Variants in TAOK1 observed in about 807,000 individuals in gnomAD.
TAOK1 encodes serine/threonine-protein kinase TAO1.
TAOK1 carries 21 observed loss-of-function variants against 138.3 expected under a neutral mutation model. That is an observed-to-expected ratio of 0.15 (90% CI 0.11 to 0.22). The LOEUF (loss-of-function observed/expected upper bound fraction) is 0.22, where lower values mean the gene tolerates loss of function less well. Ranked by LOEUF, TAOK1 falls within the 10% of genes least tolerant of loss-of-function variation. TAOK1 has a pLI of 1.00. For synonymous variants in TAOK1, 361 were observed against 398.4 expected (o/e 0.91, Z 1.12); for missense variants, 651 against 1,227.7 (o/e 0.53, Z 7.02).
chr17:29,429,148 G>A (rs753448965), intron 1 of TAOK1, among the ~76,000 whole-genome samples: 3 of 152,124 alleles, frequency 2.0e-5, no homozygotes, highest in Non-Finnish European at 4.4e-5. Context: ...CAGATGGGAA[G>A]TATTCTGGAT....
intron 17 of TAOK1, among the ~76,000 whole-genome samples, chr17:29,522,759 A>G (rs2031940591): frequency 6.6e-6 from 1 of 152,174 alleles, no homozygotes; most frequent in Non-Finnish European, 1.5e-5. Context: ...GCCAGTAGAT[A>G]AGAATCAAGA....
chr17:29,535,553 A>G (rs1023979951), intron 19 of TAOK1, among the ~76,000 whole-genome samples: 1 of 152,150 alleles, frequency 6.6e-6, no homozygotes, highest in African/African-American at 2.4e-5. Flanking sequence ...ATGCCTTATT[A>G]AAGTAAAAAA....
intron 1 of TAOK1, among the ~76,000 whole-genome samples, chr17:29,426,610 C>G (rs1418343311): frequency 6.6e-6 from 1 of 152,158 alleles, no homozygotes; most frequent in Non-Finnish European, 1.5e-5. Context: ...GGTCTGTGCT[C>G]TGCTATCCAT....
At chr17:29,412,342 C>T (rs994798380) in intron 1 of TAOK1, among the ~76,000 whole-genome samples, 14 of 151,902 alleles carry the variant, frequency 9.2e-5, no homozygotes, top group Admixed American at 6.6e-4. Flanking sequence ...CATGCCCAGC[C>T]GATACAGCCT....
intron 10 of TAOK1, 43 bp downstream of exon 10, chr17:29,491,908 A>T (rs1555564796): frequency 6.8e-7 from 1 of 1,467,608 alleles, no homozygotes. Flanking sequence ...ATTTTAAGAC[A>T]AGGCCTCACT....
chr17:29,510,810 AC>A (rs1396455033), intron 14 of TAOK1, 53 bp from the exon 15 acceptor site: 1 of 1,345,302 alleles, frequency 7.4e-7, no homozygotes, highest in Non-Finnish European at 1.0e-6. Context: ...TGTATATTAA[AC>A]CACTACTTTA....
intron 1 of TAOK1, among the ~76,000 whole-genome samples, chr17:29,432,575 C>G (rs1309021161): frequency 6.6e-6 from 1 of 152,318 alleles, no homozygotes; most frequent in South Asian, 2.1e-4. Context: ...CGTGATCCAC[C>G]CATCTCGGCC....
At chr17:29,475,966 G>C (rs757823706) in intron 4 of TAOK1, among the ~76,000 whole-genome samples, 195 bp downstream of exon 4, 2 of 152,216 alleles carry the variant, frequency 1.3e-5, no homozygotes, top group African/African-American at 2.4e-5. Context: ...AAGTCTCACT[G>C]CAGAGATTTT....
At chr17:29,517,714 T>G (rs1736562337) in intron 16 of TAOK1, 58 bp downstream of exon 16, 4 of 1,507,516 alleles carry the variant, frequency 2.7e-6, no homozygotes, top group Non-Finnish European at 3.6e-6. Context: ...TTCCTGAAAA[T>G]ATTCCAATTC....
chr17:29,537,418 C>G (rs1441693657), intron 19 of TAOK1, among the ~76,000 whole-genome samples: 4 of 151,882 alleles, frequency 2.6e-5, no homozygotes, highest in Non-Finnish European at 5.9e-5. Flanking sequence ...GGTACAATCT[C>G]AGCTCACTGC....
At chr17:29,523,074 CAAAA>C (rs35989910) in intron 17 of TAOK1, among the ~76,000 whole-genome samples, 11 of 110,882 alleles carry the variant, frequency 9.9e-5, no homozygotes, top group South Asian at 3.0e-4. Context: ...GACCCTGTCT[CAAAA>C]AAAAAAAAAA....
In TAOK1 at chr17:29,551,681, T is replaced by C. The variant is rs943781321; in HGVS notation, c.*8659T>C. On this transcript the variant is annotated 3_prime_UTR_variant, in exon 20 of 20. Transcript: ENST00000261716. ...CCACAGCACTAACTGGTAAGGCTTA[T>C]TGTACAGTATATTGTCAGTATTCTT... 3 of 152,640 alleles carry C rather than the reference T, an allele frequency of 2.0e-5. No homozygotes were observed. The highest frequency in any genetic ancestry group is 3.2e-3 in the Middle Eastern group (1 of 316). The allele number at this position is 152,640 out of a possible 1,614,324, so 9.5% of individuals were successfully genotyped here.
In TAOK1 at chr17:29,531,924, G is replaced by A. The variant is rs533936591; in HGVS notation, c.2361+1305G>A. Among the ~76,000 whole-genome samples the A allele has an allele frequency of 1.6e-4, 24 of 148,510 alleles. No individual in the cohort carries two copies. The East Asian group carries it at 3.2e-3, about 20-fold the overall frequency. On this transcript the variant is annotated intron_variant, in intron 18 of 19. Coordinates refer to ENST00000261716, the MANE Select transcript of TAOK1 (RefSeq NM_020791.4). The stretch of plus-strand genomic sequence containing the variant: ...CACCCAGGCTGGAGTGCAGTGGCAC[G>A]ATCTTGGCTCACTGCAAGCTCCGCC...
rs531563460 is a variant in TAOK1 at position 29,535,644 on chromosome 17, A to G, written c.2544+1344A>G. Reference sequence around the variant, plus strand: ...GGAGGCAAGCAGATCGCTTGAGCTCAGGAGTTCAAGACCAGCCTGGGCAAC... The same window carrying G: ...GGAGGCAAGCAGATCGCTTGAGCTCGGGAGTTCAAGACCAGCCTGGGCAAC... On this transcript the variant is annotated intron_variant, in intron 19 of 19. Transcript: ENST00000261716. Among the ~76,000 whole-genome samples the G allele has an allele frequency of 8.6e-5, 13 of 151,920 alleles. No individual in the cohort carries two copies. The South Asian group carries it at 2.3e-3, about 27-fold the overall frequency.
In TAOK1 at chr17:29,441,344, T is replaced by TA. The variant is rs2029936116; in HGVS notation, c.-94-10104dup. Among the ~76,000 whole-genome samples the TA allele has an allele frequency of 2.6e-5, 4 of 152,276 alleles. No individual in the cohort carries two copies. In the South Asian group the frequency reaches 8.3e-4, roughly 32 times the overall value. ...GGCAATATAGCGAGACCCTGCTCTTTAAAAAAATTGTAGAAGTCATGAGTG... is the reference window on the plus strand; with the variant it reads ...GGCAATATAGCGAGACCCTGCTCTTTAAAAAAAATTGTAGAAGTCATGAGTG... On this transcript the variant is annotated intron_variant, in intron 1 of 19. Coordinates refer to ENST00000261716, the MANE Select transcript of TAOK1 (RefSeq NM_020791.4).
rs151238267 is a variant in TAOK1 at position 29,408,391 on chromosome 17, A to C, written c.-95+17367A>C. On this transcript the variant is annotated intron_variant, in intron 1 of 19. Transcript: ENST00000261716. Reference sequence around the variant, plus strand: ...CAGGAGTGTGCCACCACACCTGGCTAATTTTTTAGAGATGGGGTTTCGCCG... The same window carrying C: ...CAGGAGTGTGCCACCACACCTGGCTCATTTTTTAGAGATGGGGTTTCGCCG... 1.8e-3 allele frequency among the ~76,000 whole-genome samples: 270 copies of C among 150,880 alleles called. 2 individuals are homozygous for C. In the Middle Eastern group the frequency reaches 0.041, roughly 23 times the overall value.
chr17:29,463,467 G>A (rs2030578634), intron 2 of TAOK1, among the ~76,000 whole-genome samples: 1 of 151,852 alleles, frequency 6.6e-6, no homozygotes, highest in African/African-American at 2.4e-5. Context: ...GCTACTCCGG[G>A]GGCTGAGGCA....
At chr17:29,424,152 G>A (rs964723867) in intron 1 of TAOK1, among the ~76,000 whole-genome samples, 5 of 151,714 alleles carry the variant, frequency 3.3e-5, no homozygotes, top group African/African-American at 9.7e-5. Context: ...GATTTGTTGT[G>A]TATAGTGTTC....
At position 29,544,625 on chromosome 17, in the gene TAOK1, ATT is replaced by A. The variant is rs2032372421; in HGVS notation, c.*1606_*1607del. On this transcript the variant is annotated 3_prime_UTR_variant, in exon 20 of 20. Coordinates refer to ENST00000261716, the MANE Select transcript of TAOK1 (RefSeq NM_020791.4). ...TGAACCCAATGCTAAAAAGTCAGTT[ATT>A]TTCTTGGTTTTCCATTTCTTGTATA... 6.6e-6 allele frequency: 1 copy of A among 152,104 alleles called. No individual in the cohort carries two copies. Among genetic ancestry groups the A allele is most frequent in the Non-Finnish European group, 1.5e-5 (1 of 68,012 alleles). The allele number at this position is 152,104 out of a possible 1,614,324, so 9.4% of individuals were successfully genotyped here.
Sources: gnomAD v4.1 joint callset for allele counts (sites outside exome capture counted in the v4.1 genomes callset) on GRCh38, gnomAD v4.1.1 for gene constraint, MANE v1.5 for transcripts, NCBI Gene and HGNC (gene_info 2026-07-23, HGNC 2026-07-21) for gene names.